The following EP400 variants were observed in gnomAD, a reference collection of about 807,000 sequenced individuals.
EP400 encodes the protein E1A-binding protein p400.
EP400 carries 105 observed loss-of-function variants against 354.1 expected under a neutral mutation model. The ratio of observed to expected loss-of-function variants is 0.30; its 90% CI spans 0.25 to 0.35. EP400 has a LOEUF of 0.35. EP400 is among the 10% of genes least tolerant of loss of function. EP400 has a pLI of 1.00. For synonymous variants in EP400, 1,646 were observed against 1,716.9 expected (o/e 0.96, Z 1.02); for missense variants, 3,280 against 4,121.0 (o/e 0.80, Z 5.59).
intron 1 of EP400, among the ~76,000 whole-genome samples, chr12:131,954,953 G>A (rs150277422): frequency 0.013 from 1,918 of 152,246 alleles, 25 homozygotes; most frequent in Non-Finnish European, 0.019. Context: ...AACCTGGAAG[G>A]CAGAGGTTAC....
At position 132,011,599 on chromosome 12, in the gene EP400, A is replaced by G. The variant is rs752619418; in HGVS notation, c.3406A>G (p.Ile1136Val). ...TCCCGGACTCAAAATCCTCTCATAT[A>G]TTGGCAGCCACAGAGAACTCAAAGC... ...WCPGLKILSY[I>V]GSHRELKAKR... The change falls in exon 16 of 53, where the codon ATT (isoleucine) becomes GTT (valine). Residue 1136 changes from isoleucine (I) to valine (V), a missense_variant. This residue lies in a region of EP400 where 242 missense variants were observed against 357.9 expected (regional missense o/e 0.68). Transcript: ENST00000389561. 7 of 1,613,446 alleles carry G rather than the reference A, an allele frequency of 4.3e-6. No homozygotes were observed. The Admixed American group carries it at 5.0e-5, about 12-fold the overall frequency.
At chr12:131,986,925 G>C in intron 6 of EP400, 118 bp downstream of exon 6, 1 of 1,233,868 alleles carries the variant, frequency 8.1e-7, no homozygotes, top group Non-Finnish European at 1.1e-6. Flanking sequence ...CATGGCTTGG[G>C]AATCAGTAGA....
intron 12 of EP400, among the ~76,000 whole-genome samples, chr12:132,002,328 G>A (rs775344943): frequency 1.7e-4 from 26 of 152,118 alleles, no homozygotes; most frequent in Non-Finnish European, 2.9e-4. Context: ...TATGGTTAAA[G>A]CATCAGGCAA....
chr12:132,025,609 T>C lies in EP400; in HGVS notation c.4856-37T>C. The C allele has an allele frequency of 6.4e-7, 1 of 1,556,026 alleles. No individual in the cohort carries two copies. Among genetic ancestry groups the C allele is most frequent in the Non-Finnish European group, 8.7e-7 (1 of 1,150,150 alleles). On this transcript the variant is annotated intron_variant, in intron 24 of 52. Coordinates refer to ENST00000389561, the MANE Select transcript of EP400 (RefSeq NM_015409.5). The surrounding 1 kb of genome is among the most constrained non-coding windows in gnomAD (Gnocchi z 4.1). ...GGAGTGTGTGGCTGTGATGTACACA[T>C]GCCTGTCATTGACACCTAGTGGACC...
rs1046959409 is a variant in EP400, at chr12:132,025,924, T to C, written c.5014+120T>C. 3 of 1,196,398 alleles carry C rather than the reference T, an allele frequency of 2.5e-6. No homozygotes were observed. The highest frequency in any genetic ancestry group is 3.5e-5 in the Admixed American group (1 of 28,250). The allele number at this position is 1,196,398 out of a possible 1,614,324, so 74.1% of individuals were successfully genotyped here. A position where few individuals can be genotyped will look rare whatever the true frequency, so the allele number is the denominator to read the frequency against. ...TCTCAGAACAGCACAGTCTAGTGTGTGGCCATCTCTGATTTCTATAGATGT... is the reference window on the plus strand; with the variant it reads ...TCTCAGAACAGCACAGTCTAGTGTGCGGCCATCTCTGATTTCTATAGATGT... On this transcript the variant is annotated intron_variant, in intron 25 of 52. Transcript: ENST00000389561. The surrounding 1 kb of genome is among the most constrained non-coding windows in gnomAD (Gnocchi z 4.1).
chr12:132,061,691 G>A (rs1895699473), intron 45 of EP400, among the ~76,000 whole-genome samples: 1 of 152,230 alleles, frequency 6.6e-6, no homozygotes, highest in Non-Finnish European at 1.5e-5. Context: ...CGCACATGGT[G>A]AGACACTCAG....
chr12:131,965,402 G>T (rs1259528388), intron 2 of EP400, among the ~76,000 whole-genome samples: 2 of 152,068 alleles, frequency 1.3e-5, no homozygotes, highest in African/African-American at 2.4e-5. Context: ...ATCCATGCTG[G>T]GTTTTCTAAC....
chr12:131,967,632 G>A (rs1892148057), intron 2 of EP400, among the ~76,000 whole-genome samples: 1 of 151,784 alleles, frequency 6.6e-6, no homozygotes, highest in Non-Finnish European at 1.5e-5. Flanking sequence ...GGAGGTTGCA[G>A]TGAGCCAAGA....
At chr12:132,037,826 G>A (rs1045420312) in intron 31 of EP400, 33 bp downstream of exon 31, 1 of 1,611,604 alleles carries the variant, frequency 6.2e-7, no homozygotes, top group African/African-American at 1.3e-5. Flanking sequence ...CCTGAGGTGA[G>A]ACCCGCCATG....
chr12:132,066,102 T>C (rs1391700561), intron 48 of EP400: 1 of 152,206 alleles, frequency 6.6e-6, no homozygotes, highest in African/African-American at 2.4e-5. Context: ...TTGAAAGTGG[T>C]TTTTTGTAAA....
At chr12:132,014,440 G>C (rs986737999) in intron 19 of EP400, among the ~76,000 whole-genome samples, 2 of 152,204 alleles carry the variant, frequency 1.3e-5, no homozygotes, top group African/African-American at 2.4e-5. Context: ...GCCAGAAGCT[G>C]TGCCCTTTGA....
At position 132,023,299 on chromosome 12, in the gene EP400, A is replaced by ATTTT. The variant is rs767816284; in HGVS notation, c.4691-453_4691-450dup. 8.9e-3 allele frequency among the ~76,000 whole-genome samples: 633 copies of ATTTT among 70,988 alleles called. 40 individuals carry two copies. Among genetic ancestry groups the ATTTT allele is most frequent in the Non-Finnish European group, 0.011 (440 of 40,010 alleles). 46.6% of individuals were successfully genotyped at this position (70,988 alleles called of 152,430 possible). On this transcript the variant is annotated intron_variant, in intron 23 of 52. Transcript: ENST00000389561. Reference sequence around the variant, plus strand: ...AGGCGCCCACCACCATGCCCAGCTAATTTTTTTTTTTTTTTTTTTTTTTTT... The same window carrying ATTTT: ...AGGCGCCCACCACCATGCCCAGCTAATTTTTTTTTTTTTTTTTTTTTTTTTTTTT...
chr12:131,973,765 G>A (rs918538121), intron 2 of EP400, among the ~76,000 whole-genome samples: 4 of 152,158 alleles, frequency 2.6e-5, no homozygotes, highest in Admixed American at 6.5e-5. Flanking sequence ...TCAGCATTGC[G>A]TGTATTTCTC....
chr12:131,988,614 C>T (rs902327229), intron 7 of EP400, among the ~76,000 whole-genome samples: 1 of 152,162 alleles, frequency 6.6e-6, no homozygotes, highest in Non-Finnish European at 1.5e-5. Context: ...CCAAAGCAGG[C>T]GCAGAGTCCT....
At chr12:131,957,656 C>T (rs572651688) in intron 1 of EP400, among the ~76,000 whole-genome samples, 1 of 151,832 alleles carries the variant, frequency 6.6e-6, no homozygotes, top group East Asian at 1.9e-4. Flanking sequence ...AGTGCAATGG[C>T]TCAGTCTCGG....
chr12:131,989,719 A>G (rs1257786336), intron 7 of EP400, among the ~76,000 whole-genome samples: 1 of 152,218 alleles, frequency 6.6e-6, no homozygotes, highest in Non-Finnish European at 1.5e-5. Context: ...TCTAGTTTTG[A>G]GGAAAATAAT....
Position 131,987,887 on chromosome 12 carries a change from GA to G in EP400, c.2408del (p.Lys803SerfsTer28). On this transcript the variant is annotated frameshift_variant and splice_region_variant, in exon 7 of 53. Coordinates refer to ENST00000389561, the MANE Select transcript of EP400 (RefSeq NM_015409.5). LOFTEE classifies it high-confidence loss of function. ...ERRWKVAAAK[K>X]LVRTVVRHHE... ...GGAGGTGGAAGGTGGCTGCTGCGAAGAAGGTGGGTTGGAATGCGTGGAGCTG... is the reference window on the plus strand; with the variant it reads ...GGAGGTGGAAGGTGGCTGCTGCGAAGAGGTGGGTTGGAATGCGTGGAGCTG... The G allele has an allele frequency of 6.2e-7, 1 of 1,604,530 alleles. No homozygotes were observed.
chr12:131,965,723 C>T (rs1426350631), intron 2 of EP400, among the ~76,000 whole-genome samples: 1 of 152,206 alleles, frequency 6.6e-6, no homozygotes, highest in Admixed American at 6.5e-5. Flanking sequence ...GTCTGGGTTG[C>T]TTTTCAGTCT....
chr12:131,979,849 G>A (rs774079953), intron 3 of EP400, 56 bp downstream of exon 3: 29 of 1,432,576 alleles, frequency 2.0e-5, no homozygotes, highest in African/African-American at 1.3e-4. Context: ...TTGGGCTGCC[G>A]AGGTACAGTT....
Sources: gnomAD v4.1 joint callset for allele counts (sites outside exome capture counted in the v4.1 genomes callset) on GRCh38, gnomAD v4.1.1 for gene constraint, gnomAD v4.1.1 regional missense constraint, Gnocchi (gnomAD v3.1) non-coding constraint, MANE v1.5 for transcripts, NCBI Gene and HGNC (gene_info 2026-07-23, HGNC 2026-07-21) for gene names.